Variants in R3HDM1 observed in about 807,000 individuals in gnomAD.
The protein encoded by R3HDM1 is R3H domain-containing protein 1.
In R3HDM1, 46 loss-of-function variants were observed where a neutral mutation model predicts 141.1. That is an observed-to-expected ratio of 0.33 (90% CI 0.26 to 0.42). R3HDM1 has a LOEUF of 0.42. Ranked by LOEUF, R3HDM1 falls within the 10% of genes least tolerant of loss-of-function variation. R3HDM1 has a pLI of 1.00. For synonymous variants in R3HDM1, 435 were observed against 472.9 expected (o/e 0.92, Z 1.04); for missense variants, 1,184 against 1,368.3 (o/e 0.87, Z 2.12).
In R3HDM1 at chr2:135,604,916, A is replaced by C. The variant is rs746002568; in HGVS notation, c.71A>C (p.Lys24Thr). 1 of 1,611,874 alleles carries C rather than the reference A, an allele frequency of 6.2e-7. No individual in the cohort carries two copies. Among genetic ancestry groups the C allele is most frequent in the South Asian group, 1.1e-5 (1 of 91,030 alleles). ...ATMKDLEAEV[K>T]DTTRVENLIK... ...ATGAAGGATTTGGAGGCAGAAGTGAAAGATACAACCAGAGTTGAAAATCTT... is the reference window on the plus strand; with the variant it reads ...ATGAAGGATTTGGAGGCAGAAGTGACAGATACAACCAGAGTTGAAAATCTT... Residue 24 changes from lysine (K) to threonine (T), a missense_variant, in exon 3 of 27, where the codon AAA (lysine) becomes ACA (threonine). Physicochemically the swap from Lys to Thr is moderately conservative, Grantham distance 78. This residue lies in a region of R3HDM1 where 192 missense variants were observed against 215.7 expected (regional missense o/e 0.89). Coordinates refer to ENST00000683871, the MANE Select transcript of R3HDM1 (RefSeq NM_001378107.1).
At chr2:135,651,676 A>G in intron 17 of R3HDM1, 54 bp from the exon 18 acceptor site, 1 of 1,504,922 alleles carries the variant, frequency 6.6e-7, no homozygotes, top group Non-Finnish European at 8.9e-7. Flanking sequence ...TTTCTTTGAT[A>G]AGTTTGGCCT....
At chr2:135,547,252 T>C (rs996192367) in intron 1 of R3HDM1, among the ~76,000 whole-genome samples, 6 of 152,142 alleles carry the variant, frequency 3.9e-5, no homozygotes, top group African/African-American at 1.4e-4. Flanking sequence ...TTTTTAAAAA[T>C]CAAAACAGTA....
At chr2:135,625,948 A>G (rs1182444936) in intron 7 of R3HDM1, among the ~76,000 whole-genome samples, 1 of 152,130 alleles carries the variant, frequency 6.6e-6, no homozygotes, top group Non-Finnish European at 1.5e-5. Flanking sequence ...TGTTTCCCTG[A>G]GTTCTGTGAT....
At chr2:135,670,934 C>T (rs944212373) in intron 19 of R3HDM1, among the ~76,000 whole-genome samples, 4 of 151,746 alleles carry the variant, frequency 2.6e-5, no homozygotes, top group African/African-American at 7.3e-5. Flanking sequence ...TGGCGCGCAC[C>T]TGCAATTCCA....
intron 19 of R3HDM1, chr2:135,670,496 G>A (rs2068176134): frequency 2.7e-6 from 2 of 745,718 alleles, no homozygotes; most frequent in South Asian, 6.1e-5. Context: ...CTATTGATAA[G>A]ATGTGGAAGC....
At chr2:135,605,208 A>C in intron 3 of R3HDM1, 192 bp downstream of exon 3, 1 of 403,512 alleles carries the variant, frequency 2.5e-6, no homozygotes. Flanking sequence ...CATGTAATAT[A>C]CTTCTTTTTA....
Position 135,647,091 on chromosome 2 carries a change from C to A in R3HDM1, c.1623+1564C>A, listed in dbSNP as rs1200623220. Among the ~76,000 whole-genome samples the A allele has an allele frequency of 2.0e-5, 3 of 152,276 alleles. No homozygotes were observed. In the East Asian group the frequency reaches 5.8e-4, roughly 29 times the overall value. On this transcript the variant is annotated intron_variant, in intron 16 of 26. Coordinates refer to ENST00000683871, the MANE Select transcript of R3HDM1 (RefSeq NM_001378107.1). The stretch of plus-strand genomic sequence containing the variant: ...CAAGGCAGTTTTTTAAAAAGAAGAA[C>A]TTACAAGTTATGGATATACTTCTAA...
At chr2:135,662,043 A>T (rs529987576) in intron 19 of R3HDM1, among the ~76,000 whole-genome samples, 2 of 152,306 alleles carry the variant, frequency 1.3e-5, no homozygotes, top group East Asian at 3.9e-4. Flanking sequence ...AGTGTATAAA[A>T]CTATCTTATT....
chr2:135,532,189 T>A (rs1265884896), intron 1 of R3HDM1, among the ~76,000 whole-genome samples: 1 of 152,210 alleles, frequency 6.6e-6, no homozygotes, highest in Non-Finnish European at 1.5e-5. Flanking sequence ...CTTCGACCGG[T>A]TGGTAAAATG....
intron 23 of R3HDM1, among the ~76,000 whole-genome samples, chr2:135,713,402 T>C (rs1441643534): frequency 2.0e-5 from 3 of 152,232 alleles, no homozygotes; most frequent in Non-Finnish European, 2.9e-5. Context: ...TAGTGTAAAT[T>C]GGTACAGCTC....
chr2:135,638,542 G>T, intron 11 of R3HDM1, 76 bp from the exon 12 acceptor site: 1 of 1,390,070 alleles, frequency 7.2e-7, no homozygotes. Context: ...GATTTTTGTT[G>T]TCATCATTGG....
At chr2:135,597,321 CT>C (rs2059273869) in intron 1 of R3HDM1, 4 of 943,428 alleles carry the variant, frequency 4.2e-6, no homozygotes, top group Admixed American at 6.2e-5. Flanking sequence ...GCTATAGTGC[CT>C]TCTGTGGTTA....
chr2:135,615,811 A>G (rs1281903866), intron 3 of R3HDM1, among the ~76,000 whole-genome samples: 1 of 152,204 alleles, frequency 6.6e-6, no homozygotes, highest in African/African-American at 2.4e-5. Flanking sequence ...AAACTATAAT[A>G]TGTTGTAAAA....
intron 1 of R3HDM1, among the ~76,000 whole-genome samples, chr2:135,567,303 C>T (rs1703017021): frequency 6.6e-6 from 1 of 152,166 alleles, no homozygotes; most frequent in African/African-American, 2.4e-5. Flanking sequence ...AATTATACAC[C>T]CAGGTACTTT....
chr2:135,566,714 G>C (rs1047775437), intron 1 of R3HDM1: 1 of 984,700 alleles, frequency 1.0e-6, no homozygotes, highest in African/African-American at 1.7e-5. Flanking sequence ...ATTAAGGTTT[G>C]TTAGTCGTTT....
intron 1 of R3HDM1, among the ~76,000 whole-genome samples, chr2:135,544,535 A>C (rs1432113213): frequency 6.6e-6 from 1 of 152,098 alleles, no homozygotes; most frequent in Non-Finnish European, 1.5e-5. Context: ...AAGGGCTAAC[A>C]AAAAAAGGTA....
At chr2:135,715,144 T>C (rs971659726) in intron 23 of R3HDM1, among the ~76,000 whole-genome samples, 4 of 152,132 alleles carry the variant, frequency 2.6e-5, no homozygotes, top group African/African-American at 9.7e-5. Context: ...GGTCAGGAGA[T>C]CGAGAACATC....
chr2:135,613,741 G>A (rs1156669159), intron 3 of R3HDM1, among the ~76,000 whole-genome samples: 1 of 152,182 alleles, frequency 6.6e-6, no homozygotes. Context: ...ACTTGAACCT[G>A]GGAGGCGGAA....
intron 20 of R3HDM1, among the ~76,000 whole-genome samples, chr2:135,679,176 A>C (rs910972415): frequency 1.4e-5 from 2 of 147,548 alleles, no homozygotes; most frequent in African/African-American, 5.0e-5. Context: ...ATATTGAGGT[A>C]CATTTGTAAA....
Sources: gnomAD v4.1 joint callset for allele counts (sites outside exome capture counted in the v4.1 genomes callset) on GRCh38, gnomAD v4.1.1 for gene constraint, gnomAD v4.1.1 regional missense constraint, MANE v1.5 for transcripts, NCBI Gene and HGNC (gene_info 2026-07-23, HGNC 2026-07-21) for gene names.